Variants in ZSCAN5A observed in about 807,000 individuals in gnomAD.
ZSCAN5A encodes the protein zinc finger and SCAN domain-containing protein 5A.
ZSCAN5A carries 12 observed loss-of-function variants against 23.7 expected under a neutral mutation model. The observed-to-expected ratio is 0.51, with a 90% CI of 0.32 to 0.82. The LOEUF (loss-of-function observed/expected upper bound fraction) is 0.82. ZSCAN5A is among the 40% of genes least tolerant of loss of function. ZSCAN5A has a pLI of 0.03. For synonymous variants in ZSCAN5A, 257 were observed against 239.9 expected, an observed-to-expected ratio of 1.07 and a Z score of -0.66; for missense variants, 597 against 617.9, an observed-to-expected ratio of 0.97 and a Z score of 0.36.
chr19:56,336,230 G>A (rs565036404), intron 2 of ZSCAN5A, among the ~76,000 whole-genome samples: 41 of 147,616 alleles, frequency 2.8e-4, no homozygotes, highest in Middle Eastern at 6.9e-3. Context: ...CCAATCAGAC[G>A]TAGATTTGGT....
chr19:56,298,218 T>A (rs959010483), intron 2 of ZSCAN5A: 2 of 152,082 alleles, frequency 1.3e-5, no homozygotes, highest in Non-Finnish European at 2.9e-5. Context: ...TCATAGCAGA[T>A]CTTGCAGGTA....
chr19:56,298,296 G>A (rs982823513), intron 2 of ZSCAN5A: 5 of 151,858 alleles, frequency 3.3e-5, no homozygotes, highest in East Asian at 3.9e-4. Context: ...TAGATAAAAC[G>A]GACAAAATCC....
chr19:56,226,420 G>A (rs2033943081), intron 2 of ZSCAN5A, among the ~76,000 whole-genome samples: 1 of 152,186 alleles, frequency 6.6e-6, no homozygotes, highest in Admixed American at 6.5e-5. Context: ...GCGCCTGTGT[G>A]GACATCTCAG....
intron 2 of ZSCAN5A, among the ~76,000 whole-genome samples, chr19:56,246,135 G>C (rs953980714): frequency 6.6e-6 from 1 of 152,198 alleles, no homozygotes; most frequent in Non-Finnish European, 1.5e-5. Context: ...ATTAGGGAGA[G>C]ACTCAGAAAT....
At chr19:56,287,490 T>TCC (rs992106647) in intron 2 of ZSCAN5A, among the ~76,000 whole-genome samples, 3 of 151,396 alleles carry the variant, frequency 2.0e-5, no homozygotes, top group Non-Finnish European at 4.4e-5. Context: ...CCCACTCCCA[T>TCC]CCCCCCAAGT....
At chr19:56,235,063 CCGTGGGCCAAGCCTCCACTCCAACCTCT>C (rs2034781515) in intron 2 of ZSCAN5A, among the ~76,000 whole-genome samples, 1 of 139,568 alleles carries the variant, frequency 7.2e-6, no homozygotes, top group Non-Finnish European at 1.6e-5. Flanking sequence ...CTCTGATTGA[CCGTGGGCCAAGCCTCCACTCCAACCTCT>C]GATGGACGGT....
rs775741670 is a variant in ZSCAN5A, at chr19:56,357,391, G to A, written c.-358+5844C>T. 2.4e-4 allele frequency among the ~76,000 whole-genome samples: 35 copies of A among 148,020 alleles called. 3 individuals carry two copies. The highest frequency in any genetic ancestry group is 4.5e-5 in the Non-Finnish European group (3 of 67,196). On this transcript the variant is annotated intron_variant, in intron 2 of 6. Coordinates refer to the ZSCAN5A transcript ENST00000587340. ...ACTTACACATGTTTTGTTGGTACAC[G>A]CAGTATTTTGATACATGCATACAAT...
intron 1 of ZSCAN5A, among the ~76,000 whole-genome samples, chr19:56,364,546 A>G (rs1295340284): frequency 6.6e-6 from 1 of 152,230 alleles, no homozygotes; most frequent in Non-Finnish European, 1.5e-5. Context: ...GAAAACTGAC[A>G]GTTTTTTAAA....
At chr19:56,321,493 TC>T (rs2041375056) in intron 2 of ZSCAN5A, 3 of 718,956 alleles carry the variant, frequency 4.2e-6, no homozygotes, top group Non-Finnish European at 7.7e-6. Context: ...TGTGAGGACA[TC>T]CTTGCACCAT....
intron 2 of ZSCAN5A, among the ~76,000 whole-genome samples, chr19:56,272,509 TA>T (rs766839523): frequency 1.3e-5 from 2 of 152,098 alleles, no homozygotes; most frequent in Non-Finnish European, 2.9e-5. Flanking sequence ...CTCCAACCAT[TA>T]AAAAAGGTAA....
chr19:56,281,032 GACTT>G (rs1451075598), intron 2 of ZSCAN5A, among the ~76,000 whole-genome samples: 1 of 152,114 alleles, frequency 6.6e-6, no homozygotes, highest in Non-Finnish European at 1.5e-5. Flanking sequence ...TTGACCAGAA[GACTT>G]ACTAATAACA....
chr19:56,281,704 T>G, intron 2 of ZSCAN5A: 4 of 985,342 alleles, frequency 4.1e-6, no homozygotes, highest in Non-Finnish European at 3.6e-6. Context: ...CAACTGTAAG[T>G]CATATCTCCT....
chr19:56,363,009 T>A (rs536373724), intron 2 of ZSCAN5A, among the ~76,000 whole-genome samples: 33 of 152,224 alleles, frequency 2.2e-4, no homozygotes, highest in Non-Finnish European at 3.8e-4. Flanking sequence ...AAAAATTTAC[T>A]ACTTCATAAA....
At chr19:56,277,264 T>C (rs2038334647) in intron 2 of ZSCAN5A, among the ~76,000 whole-genome samples, 1 of 152,210 alleles carries the variant, frequency 6.6e-6, no homozygotes. Flanking sequence ...TCCTAAGAGC[T>C]AGCAAGTGAA....
At position 56,246,911 on chromosome 19, in the gene ZSCAN5A, T is replaced by C. The variant is rs554171292; in HGVS notation, c.-127-21738A>G. 381 of 1,606,994 alleles carry C rather than the reference T, an allele frequency of 2.4e-4. 3 individuals are homozygous for C. The South Asian group carries it at 3.9e-3, about 16-fold the overall frequency. ...AGAAGCAAACCAGACGCCACCTCCA[T>C]TTCCCAAGAAGGGCCTCAAGGAGGA... is the stretch of plus-strand genomic sequence containing the variant. On this transcript the variant is annotated intron_variant, in intron 2 of 5. Coordinates refer to ENST00000683990, the MANE Select transcript of ZSCAN5A (RefSeq NM_001322064.3).
intron 2 of ZSCAN5A, among the ~76,000 whole-genome samples, chr19:56,253,802 G>T (rs2036521428): frequency 6.6e-6 from 1 of 152,152 alleles, no homozygotes; most frequent in Non-Finnish European, 1.5e-5. Flanking sequence ...GTCAATTCAG[G>T]TTTTGCACGG....
At chr19:56,265,052 G>A (rs568738387) in intron 2 of ZSCAN5A, among the ~76,000 whole-genome samples, 2 of 152,210 alleles carry the variant, frequency 1.3e-5, no homozygotes, top group East Asian at 1.9e-4. Context: ...AACCTGGGAG[G>A]CGGAGGTTGC....
chr19:56,266,158 A>G (rs2037454866), intron 2 of ZSCAN5A: 1 of 152,238 alleles, frequency 6.6e-6, no homozygotes, highest in South Asian at 2.1e-4. Flanking sequence ...GCTAATAGAT[A>G]TGAAGTGCTT....
At chr19:56,343,092 C>G (rs1409198961) in intron 2 of ZSCAN5A, 2 of 775,880 alleles carry the variant, frequency 2.6e-6, no homozygotes, top group East Asian at 4.9e-5. Context: ...AGAGGGCGGC[C>G]TTCGGGTCCT....
Sources: gnomAD v4.1 joint callset for allele counts (sites outside exome capture counted in the v4.1 genomes callset) on GRCh38, gnomAD v4.1.1 for gene constraint, MANE v1.5 for transcripts, NCBI Gene and HGNC (gene_info 2026-07-23, HGNC 2026-07-21) for gene names.